NBEA: variants seen among roughly 807,000 people sequenced by gnomAD.
The protein encoded by NBEA is lysosomal-trafficking regulator 2.
In NBEA, 44 loss-of-function variants were observed where a neutral mutation model predicts 343.4. The observed-to-expected ratio is 0.13, with a 90% CI of 0.10 to 0.16. The LOEUF is 0.16. NBEA is among the 10% of genes least tolerant of loss of function. The pLI, the probability that NBEA is intolerant of heterozygous loss-of-function variation, is 1.00. For missense variants in NBEA, 2,555 were observed against 3,631.3 expected, an observed-to-expected ratio of 0.70 and a Z score of 7.62; for synonymous variants, 1,175 against 1,238.7, an observed-to-expected ratio of 0.95 and a Z score of 1.08.
At chr13:35,139,057 CTTTTTTT>C (rs36053692) in intron 17 of NBEA, among the ~76,000 whole-genome samples, 1 of 97,888 alleles carries the variant, frequency 1.0e-5, no homozygotes, top group Non-Finnish European at 1.8e-5. Flanking sequence ...CAAGAAATAT[CTTTTTTT>C]TTTTTTTTTT....
chr13:35,294,751 C>A (rs1242671009), intron 35 of NBEA, among the ~76,000 whole-genome samples: 5 of 152,022 alleles, frequency 3.3e-5, no homozygotes, highest in Non-Finnish European at 5.9e-5. Context: ...TATAAATGAG[C>A]AGTTACCTTT....
chr13:35,154,156 A>G (rs1208685614), intron 18 of NBEA, among the ~76,000 whole-genome samples: 2 of 152,146 alleles, frequency 1.3e-5, no homozygotes, highest in Non-Finnish European at 2.9e-5. Context: ...TTTTTATTTC[A>G]GGTCAATATC....
intron 49 of NBEA, among the ~76,000 whole-genome samples, chr13:35,628,586 A>G (rs1391281256): frequency 6.6e-6 from 1 of 152,254 alleles, no homozygotes. Flanking sequence ...CCACATTAAC[A>G]TAATCTGCCA....
At chr13:35,646,149 C>T in intron 50 of NBEA, 110 bp from the exon 51 acceptor site, 5 of 878,042 alleles carry the variant, frequency 5.7e-6, no homozygotes, top group South Asian at 4.8e-5. Flanking sequence ...GTTGAATTTT[C>T]TGGACTTTTT....
chr13:35,663,806 A>G (rs1205666158), intron 55 of NBEA, among the ~76,000 whole-genome samples: 1 of 152,234 alleles, frequency 6.6e-6, no homozygotes, highest in East Asian at 1.9e-4. Context: ...GTCAAAACAC[A>G]TTATAGCAAT....
At chr13:35,373,795 T>C (rs924663040) in intron 38 of NBEA, among the ~76,000 whole-genome samples, 3 of 151,834 alleles carry the variant, frequency 2.0e-5, no homozygotes, top group Admixed American at 2.0e-4. Context: ...ATCATAAAGG[T>C]CTTAATTTGT....
chr13:35,209,503 CT>C (rs201194360), intron 32 of NBEA, among the ~76,000 whole-genome samples: 200 of 147,596 alleles, frequency 1.4e-3, no homozygotes, highest in East Asian at 7.7e-3. Flanking sequence ...CTAAAATAAC[CT>C]TTTTTTTTTG....
chr13:34,943,925 G>T (rs899582405), intron 1 of NBEA, among the ~76,000 whole-genome samples: 2 of 152,194 alleles, frequency 1.3e-5, no homozygotes, highest in Non-Finnish European at 2.9e-5. Context: ...AAGTGTGTAT[G>T]ACTTAATGTT....
intron 8 of NBEA, 96 bp from the exon 9 acceptor site, chr13:35,069,811 CA>C (rs2063798674): frequency 2.5e-6 from 2 of 798,880 alleles, no homozygotes; most frequent in Non-Finnish European, 3.8e-6. Flanking sequence ...GAAAGGTACA[CA>C]AGTAGTTTAT....
chr13:35,332,336 G>C (rs1215150553), intron 36 of NBEA, among the ~76,000 whole-genome samples: 2 of 152,088 alleles, frequency 1.3e-5, no homozygotes, highest in Non-Finnish European at 2.9e-5. Flanking sequence ...AGAAGAAATG[G>C]CATATATAAA....
At chr13:35,271,798 A>G (rs566839594) in intron 34 of NBEA, among the ~76,000 whole-genome samples, 1 of 152,310 alleles carries the variant, frequency 6.6e-6, no homozygotes, top group Non-Finnish European at 1.5e-5. Flanking sequence ...TGAAGACAAG[A>G]TTAGAGAAAA....
chr13:35,224,725 A>G (rs2074557277), intron 33 of NBEA, among the ~76,000 whole-genome samples: 1 of 152,194 alleles, frequency 6.6e-6, no homozygotes, highest in African/African-American at 2.4e-5. Context: ...TATAGTTCCA[A>G]CATAGGGTTC....
chr13:35,112,593 T>A (rs147390856), intron 13 of NBEA, among the ~76,000 whole-genome samples: 19 of 152,286 alleles, frequency 1.2e-4, no homozygotes, highest in African/African-American at 4.3e-4. Context: ...AATCATATAT[T>A]CACACATAAT....
At chr13:35,094,097 A>G (rs1299555912) in intron 10 of NBEA, among the ~76,000 whole-genome samples, 1 of 151,952 alleles carries the variant, frequency 6.6e-6, no homozygotes, top group Non-Finnish European at 1.5e-5. Context: ...TCTTAAAACT[A>G]TATTTGTCAA....
At chr13:35,313,210 T>TTA (rs897384329) in intron 36 of NBEA, among the ~76,000 whole-genome samples, 1 of 152,172 alleles carries the variant, frequency 6.6e-6, no homozygotes, top group African/African-American at 2.4e-5. Context: ...CCTGACTATC[T>TTA]TATATAGTTG....
At chr13:35,629,755 C>T (rs2083375479) in intron 49 of NBEA, among the ~76,000 whole-genome samples, 1 of 152,156 alleles carries the variant, frequency 6.6e-6, no homozygotes, top group Non-Finnish European at 1.5e-5. Flanking sequence ...TAATTCTGAG[C>T]TTAATTAGTC....
At chr13:35,457,198 A>G (rs1377026835) in intron 40 of NBEA, among the ~76,000 whole-genome samples, 1 of 152,018 alleles carries the variant, frequency 6.6e-6, no homozygotes, top group Non-Finnish European at 1.5e-5. Context: ...TAAAACACTT[A>G]TGAAATATTC....
At chr13:35,468,199 C>G (rs1450319766) in intron 40 of NBEA, among the ~76,000 whole-genome samples, 1 of 150,534 alleles carries the variant, frequency 6.6e-6, no homozygotes, top group Non-Finnish European at 1.5e-5. Flanking sequence ...ACTGGCCTGC[C>G]TATATCTAAG....
intron 40 of NBEA, among the ~76,000 whole-genome samples, chr13:35,463,646 C>T (rs991366050): frequency 6.6e-6 from 1 of 151,974 alleles, no homozygotes; most frequent in Admixed American, 6.6e-5. Flanking sequence ...GAAAAAGTTG[C>T]AGACTTTTTA....
Sources: allele counts gnomAD v4.1 joint callset (sites outside exome capture counted in the v4.1 genomes callset), GRCh38; gene constraint gnomAD v4.1.1; transcripts MANE v1.5; gene names NCBI Gene and HGNC (gene_info 2026-07-23, HGNC 2026-07-21).